Variants in PLCXD2 observed in about 807,000 individuals in gnomAD.
PLCXD2 encodes the protein PI-PLC X domain-containing protein 2.
Under a neutral mutation model 28.6 loss-of-function variants are expected in PLCXD2, and 21 were observed. The observed-to-expected ratio is 0.73, with a 90% CI of 0.52 to 1.06. PLCXD2 has a LOEUF of 1.06. PLCXD2 is among the 50% of genes least tolerant of loss of function. PLCXD2 has a pLI of 0.00. For synonymous variants in PLCXD2, 140 were observed against 150.1 expected, an observed-to-expected ratio of 0.93 and a Z score of 0.49; for missense variants, 369 against 376.7, an observed-to-expected ratio of 0.98 and a Z score of 0.17.
At position 111,707,213 on chromosome 3, in the gene PLCXD2, C is replaced by G. The variant is rs535924106; in HGVS notation, c.164-713C>G. Among the ~76,000 whole-genome samples the G allele has an allele frequency of 2.0e-5, 3 of 152,318 alleles. No homozygotes were observed. In the South Asian group the frequency reaches 6.2e-4, roughly 32 times the overall value. Reference sequence around the variant, plus strand: ...CAAAAAGAGGGACATATTAACTAAACTGTGTTGAGCCCATCGAAATGGTTA... The same window carrying G: ...CAAAAAGAGGGACATATTAACTAAAGTGTGTTGAGCCCATCGAAATGGTTA... On this transcript the variant is annotated intron_variant, in intron 1 of 4. Coordinates refer to ENST00000477665, the MANE Select transcript of PLCXD2 (RefSeq NM_001185106.1).
chr3:111,709,939 C>T (rs1941177179), intron 2 of PLCXD2, among the ~76,000 whole-genome samples: 1 of 152,080 alleles, frequency 6.6e-6, no homozygotes, highest in South Asian at 2.1e-4. Flanking sequence ...GAGACCAGGG[C>T]AGGGGGATTG....
intron 1 of PLCXD2, among the ~76,000 whole-genome samples, chr3:111,695,310 T>A (rs1296317006): frequency 6.6e-6 from 1 of 152,182 alleles, no homozygotes; most frequent in East Asian, 1.9e-4. Context: ...AGGCTCCCAA[T>A]GGCTGCTGAA....
intron 1 of PLCXD2, among the ~76,000 whole-genome samples, chr3:111,687,291 A>C (rs1940808730): frequency 6.6e-6 from 1 of 152,184 alleles, no homozygotes; most frequent in Non-Finnish European, 1.5e-5. Flanking sequence ...TCACAGAGGA[A>C]AGAACAGGTC....
At chr3:111,692,120 C>T (rs1187250583) in intron 1 of PLCXD2, among the ~76,000 whole-genome samples, 1 of 152,226 alleles carries the variant, frequency 6.6e-6, no homozygotes, top group African/African-American at 2.4e-5. Flanking sequence ...CGGCTCACTG[C>T]AAGCTCCGCC....
intron 1 of PLCXD2, among the ~76,000 whole-genome samples, chr3:111,689,894 G>A (rs1463095158): frequency 6.6e-6 from 1 of 152,152 alleles, no homozygotes; most frequent in African/African-American, 2.4e-5. Flanking sequence ...GGCTTTAAGA[G>A]TAAGAACAAG....
Position 111,677,973 on chromosome 3 carries a change from TTG to T in PLCXD2, c.163+2570_163+2571del, listed in dbSNP as rs1940649477. ...AATTCAATTTTAGTGCTTCAACCTG[TTG>T]TGTGCGTGTGCGCCCACATGCCCAA... On this transcript the variant is annotated intron_variant, in intron 1 of 4. Transcript: ENST00000477665. Among the ~76,000 whole-genome samples the T allele has an allele frequency of 2.0e-5, 3 of 152,350 alleles. No homozygotes were observed. The South Asian group carries it at 6.2e-4, about 32-fold the overall frequency.
intron 1 of PLCXD2, among the ~76,000 whole-genome samples, chr3:111,698,866 C>T (rs1009764279): frequency 1.3e-5 from 2 of 152,206 alleles, no homozygotes; most frequent in Non-Finnish European, 2.9e-5. Context: ...TTATTTCCCC[C>T]CCTCCTCCCC....
chr3:111,721,705 T>A (rs1941348189), intron 3 of PLCXD2: 1 of 152,370 alleles, frequency 6.6e-6, no homozygotes, highest in Non-Finnish European at 1.5e-5. Context: ...TCTACAGCTT[T>A]TTCCAGAATG....
intron 1 of PLCXD2, among the ~76,000 whole-genome samples, chr3:111,688,486 A>G (rs1271394871): frequency 6.6e-6 from 1 of 152,218 alleles, no homozygotes; most frequent in Non-Finnish European, 1.5e-5. Flanking sequence ...ACTGCTAACC[A>G]GGGAAGCTCA....
At chr3:111,697,624 T>C (rs1940980906) in intron 1 of PLCXD2, among the ~76,000 whole-genome samples, 1 of 152,172 alleles carries the variant, frequency 6.6e-6, no homozygotes, top group Non-Finnish European at 1.5e-5. Context: ...GTTTTTTTGA[T>C]GGGTTGGGAA....
At chr3:111,714,536 T>C (rs1329711033) in intron 3 of PLCXD2, among the ~76,000 whole-genome samples, 1 of 152,116 alleles carries the variant, frequency 6.6e-6, no homozygotes, top group Non-Finnish European at 1.5e-5. Context: ...CTTCAAGAAT[T>C]TGTTCTCCTT....
At position 111,708,137 on chromosome 3, in the gene PLCXD2, C is replaced by A; in HGVS notation, c.375C>A (p.Asp125Glu). ...TGTCTTCCAAACCAGGGGATGCCGA[C>A]CAGGAGATCTACTTCATCCATGGGC... is the stretch of plus-strand genomic sequence containing the variant. Residue 125 changes from aspartate to glutamate, a missense_variant, in exon 2 of 5, where the codon GAC becomes GAA. Coordinates refer to ENST00000477665, the MANE Select transcript of PLCXD2 (RefSeq NM_001185106.1). 6.2e-7 allele frequency: 1 copy of A among 1,614,192 alleles called. No homozygotes were observed. Among genetic ancestry groups the A allele is most frequent in the South Asian group, 1.1e-5 (1 of 91,082 alleles).
chr3:111,685,524 A>G (rs1940782044), intron 1 of PLCXD2, among the ~76,000 whole-genome samples: 1 of 152,266 alleles, frequency 6.6e-6, no homozygotes, highest in Non-Finnish European at 1.5e-5. Context: ...AGCTCAAAAA[A>G]AGCAGGAGAA....
chr3:111,720,707 A>G lies in PLCXD2; in HGVS notation c.866+6579A>G, dbSNP rs768672718. On this transcript the variant is annotated intron_variant, in intron 3 of 4. Coordinates refer to ENST00000477665, the MANE Select transcript of PLCXD2 (RefSeq NM_001185106.1). The stretch of plus-strand genomic sequence containing the variant: ...ACTGTATCCACTCTCTTCCTCCAAC[A>G]CTTTCCTCTGTATAGGAATCTTCCT... 12 of 416,682 alleles carry G rather than the reference A, an allele frequency of 2.9e-5. No individual in the cohort carries two copies. Among genetic ancestry groups the G allele is most frequent in the Admixed American group, 1.3e-4 (3 of 22,730 alleles). The allele number at this position is 416,682 out of a possible 1,614,324, so 25.8% of individuals were successfully genotyped here. A position where few individuals can be genotyped will look rare whatever the true frequency, so the allele number is the denominator to read the frequency against.
In PLCXD2 at chr3:111,675,114, C is replaced by A; in HGVS notation, c.-132C>A. On this transcript the variant is annotated 5_prime_UTR_variant, in exon 1 of 5. Transcript: ENST00000477665. ...TAAGGATCCATCTGTTTGCCCCGTC[C>A]CCCAGCCAGAAAGGCATTTTGGAAA... 9.3e-7 allele frequency: 1 copy of A among 1,076,508 alleles called. No individual in the cohort carries two copies. Among genetic ancestry groups the A allele is most frequent in the Non-Finnish European group, 1.4e-6 (1 of 736,674 alleles). The allele number at this position is 1,076,508 out of a possible 1,614,324, so 66.7% of individuals were successfully genotyped here. A position where few individuals can be genotyped will look rare whatever the true frequency, so the allele number is the denominator to read the frequency against.
chr3:111,691,060 CTGTG>C (rs1287046455), intron 1 of PLCXD2, among the ~76,000 whole-genome samples: 1 of 151,750 alleles, frequency 6.6e-6, no homozygotes, highest in East Asian at 1.9e-4. Flanking sequence ...TCCTAGGAAT[CTGTG>C]TGAGCAGAAA....
chr3:111,685,929 T>A (rs1200953071), intron 1 of PLCXD2, among the ~76,000 whole-genome samples: 1 of 152,186 alleles, frequency 6.6e-6, no homozygotes, highest in Non-Finnish European at 1.5e-5. Flanking sequence ...CCCCACAACA[T>A]GGGATTGAAA....
chr3:111,719,907 A>G (rs543579905), intron 3 of PLCXD2, among the ~76,000 whole-genome samples: 32 of 152,354 alleles, frequency 2.1e-4, no homozygotes, highest in Middle Eastern at 3.4e-3. Context: ...ATGTTAAAAG[A>G]AGAACAAATT....
At chr3:111,718,038 C>G (rs1941291923) in intron 3 of PLCXD2, among the ~76,000 whole-genome samples, 1 of 151,946 alleles carries the variant, frequency 6.6e-6, no homozygotes, top group Middle Eastern at 3.4e-3. Flanking sequence ...CTTCTAAACA[C>G]TTTACATGTA....
Sources: allele counts gnomAD v4.1 joint callset (sites outside exome capture counted in the v4.1 genomes callset), GRCh38; gene constraint gnomAD v4.1.1; transcripts MANE v1.5; gene names NCBI Gene and HGNC (gene_info 2026-07-23, HGNC 2026-07-21).